KCNH1: variants seen among roughly 807,000 people sequenced by gnomAD.
The protein encoded by KCNH1 is potassium voltage-gated channel subfamily H member 1.
Under a neutral mutation model 69.2 loss-of-function variants are expected in KCNH1, and 27 were observed. The observed-to-expected ratio is 0.39, with a 90% CI of 0.29 to 0.54. The LOEUF (loss-of-function observed/expected upper bound fraction) is 0.54. KCNH1 is among the 20% of genes least tolerant of loss of function. The pLI is 0.68. For synonymous variants in KCNH1, 456 were observed against 487.7 expected (o/e 0.93, Z 0.86); for missense variants, 798 against 1,261.6 (o/e 0.63, Z 5.57).
At chr1:211,118,643 C>T (rs769165893) in intron 1 of KCNH1, among the ~76,000 whole-genome samples, 1 of 152,204 alleles carries the variant, frequency 6.6e-6, no homozygotes, top group Non-Finnish European at 1.5e-5. Flanking sequence ...CCTTCCTCCC[C>T]CTACTGTGTA....
intron 7 of KCNH1, among the ~76,000 whole-genome samples, chr1:210,906,722 C>T (rs1267954671): frequency 6.6e-6 from 1 of 152,192 alleles, no homozygotes; most frequent in Non-Finnish European, 1.5e-5. Flanking sequence ...CTCGGATTCT[C>T]TCACTGATAG....
intron 10 of KCNH1, among the ~76,000 whole-genome samples, chr1:210,688,060 C>T (rs79791491): frequency 0.017 from 2,580 of 152,278 alleles, 34 homozygotes; most frequent in Middle Eastern, 0.031. Flanking sequence ...AGTCACACTG[C>T]AATGTTAAAT....
rs1323691986 is a variant in KCNH1, at chr1:211,001,490, C to G, written c.1032+17293G>C. Among the ~76,000 whole-genome samples the G allele has an allele frequency of 5.3e-5, 8 of 152,168 alleles. No homozygotes were observed. In the South Asian group the frequency reaches 1.7e-3, roughly 32 times the overall value. On this transcript the variant is annotated intron_variant, in intron 6 of 10. Coordinates refer to ENST00000271751, the MANE Select transcript of KCNH1 (RefSeq NM_172362.3). ...TACCATCCCACACCAGTTAGAATGG[C>G]GATCATTAAAAAGTCAGGAAACAAC...
intron 7 of KCNH1, among the ~76,000 whole-genome samples, chr1:210,840,792 TACC>T (rs1230185025): frequency 6.6e-6 from 1 of 152,162 alleles, no homozygotes; most frequent in Non-Finnish European, 1.5e-5. Flanking sequence ...TCACCCAAGC[TACC>T]ATTGCTTCCC....
At chr1:210,977,712 T>G (rs923533853) in intron 6 of KCNH1, among the ~76,000 whole-genome samples, 2 of 152,196 alleles carry the variant, frequency 1.3e-5, no homozygotes, top group Admixed American at 1.3e-4. Flanking sequence ...ATGTTTTACA[T>G]AGTTAAGGTA....
chr1:210,886,954 C>T (rs1686623453), intron 7 of KCNH1, among the ~76,000 whole-genome samples: 1 of 152,094 alleles, frequency 6.6e-6, no homozygotes, highest in Non-Finnish European at 1.5e-5. Flanking sequence ...GAGAATGGAA[C>T]CAAGTTGGAA....
intron 1 of KCNH1, among the ~76,000 whole-genome samples, chr1:211,127,445 A>T (rs1571668819): frequency 7.2e-6 from 1 of 139,012 alleles, no homozygotes; most frequent in Admixed American, 7.1e-5. Flanking sequence ...AAAAAAAAAA[A>T]TCCCACCACA....
chr1:210,788,286 G>T (rs1416561586), intron 9 of KCNH1, among the ~76,000 whole-genome samples: 1 of 152,050 alleles, frequency 6.6e-6, no homozygotes, highest in Non-Finnish European at 1.5e-5. Flanking sequence ...ACTCATATAT[G>T]CATTTTGATC....
intron 6 of KCNH1, among the ~76,000 whole-genome samples, chr1:210,976,129 A>G (rs1688605494): frequency 1.3e-5 from 2 of 152,164 alleles, no homozygotes; most frequent in African/African-American, 4.8e-5. Flanking sequence ...ATGGAGAAAT[A>G]GGAACATTTT....
intron 7 of KCNH1, among the ~76,000 whole-genome samples, chr1:210,829,863 T>C (rs1685121441): frequency 6.6e-6 from 1 of 152,174 alleles, no homozygotes; most frequent in Admixed American, 6.6e-5. Flanking sequence ...ATCATAAAAT[T>C]ATTCAGTTTA....
intron 7 of KCNH1, among the ~76,000 whole-genome samples, chr1:210,856,896 T>TATAC (rs1306409346): frequency 7.3e-6 from 1 of 137,558 alleles, no homozygotes; most frequent in Non-Finnish European, 1.6e-5. Flanking sequence ...TATATATATA[T>TATAC]ATAAAATACT....
At chr1:211,048,183 T>C (rs1465946565) in intron 5 of KCNH1, among the ~76,000 whole-genome samples, 1 of 152,138 alleles carries the variant, frequency 6.6e-6, no homozygotes, top group East Asian at 1.9e-4. Context: ...TAAAAAATAA[T>C]AGATGTTGGC....
intron 3 of KCNH1, among the ~76,000 whole-genome samples, chr1:211,094,434 C>T (rs1048374650): frequency 6.6e-6 from 1 of 152,168 alleles, no homozygotes; most frequent in African/African-American, 2.4e-5. Context: ...TTATCTCTCT[C>T]GATTGGTTCT....
At chr1:210,759,194 A>T (rs1254180619) in intron 10 of KCNH1, among the ~76,000 whole-genome samples, 2 of 135,578 alleles carry the variant, frequency 1.5e-5, no homozygotes, top group Non-Finnish European at 3.0e-5. Flanking sequence ...ATATATATAT[A>T]TAAAGAAGTG....
rs3762452 is a variant in KCNH1, at chr1:211,103,486, C to T, written c.310+10G>A. 0.22 allele frequency: 327,958 copies of T among 1,523,160 alleles called. 37,378 individuals are homozygous for T. The highest frequency in any genetic ancestry group is 0.23 in the Non-Finnish European group (256,059 of 1,099,418). 94.4% of individuals were successfully genotyped at this position (1,523,160 alleles called of 1,614,324 possible). On this transcript the variant is annotated intron_variant, in intron 3 of 10. Coordinates refer to ENST00000271751, the MANE Select transcript of KCNH1 (RefSeq NM_172362.3). Reference sequence around the variant, plus strand: ...ATAAAGGTATGGTTCAGAATGGTCTCAATACTCACTGTTCTTCTTGTACAT... The same window carrying T: ...ATAAAGGTATGGTTCAGAATGGTCTTAATACTCACTGTTCTTCTTGTACAT...
intron 5 of KCNH1, among the ~76,000 whole-genome samples, chr1:211,022,418 A>G (rs1689601872): frequency 6.6e-6 from 1 of 152,234 alleles, no homozygotes; most frequent in Non-Finnish European, 1.5e-5. Context: ...GGACTGGGCA[A>G]AGATTTTTAA....
chr1:211,077,955 C>T (rs1690768499), intron 5 of KCNH1, among the ~76,000 whole-genome samples: 1 of 150,336 alleles, frequency 6.7e-6, no homozygotes, highest in Non-Finnish European at 1.5e-5. Context: ...AAAAAAAAAG[C>T]AGGGTTGCAA....
intron 10 of KCNH1, among the ~76,000 whole-genome samples, chr1:210,705,223 C>T (rs551372597): frequency 3.2e-4 from 48 of 152,326 alleles, no homozygotes; most frequent in Non-Finnish European, 5.3e-4. Context: ...TAGGCAAGAC[C>T]TGCCAGCTTC....
intron 6 of KCNH1, among the ~76,000 whole-genome samples, chr1:210,921,462 T>C (rs548826167): frequency 4.6e-5 from 7 of 152,350 alleles, no homozygotes; most frequent in African/African-American, 1.7e-4. Context: ...CCACTATCCC[T>C]TTAATAACAA....
Sources: allele counts gnomAD v4.1 joint callset (sites outside exome capture counted in the v4.1 genomes callset), GRCh38; gene constraint gnomAD v4.1.1; transcripts MANE v1.5; gene names NCBI Gene and HGNC (gene_info 2026-07-23, HGNC 2026-07-21).